Variants in COG5 observed in about 807,000 individuals in gnomAD.
COG5 encodes component of oligomeric golgi complex 5, also known as conserved oligomeric Golgi complex subunit 5.
A neutral mutation model predicts 110.4 loss-of-function variants in COG5; 86 were observed. That is an observed-to-expected ratio of 0.78 (90% confidence interval 0.65 to 0.93). The LOEUF is 0.93. Ranked by LOEUF, COG5 falls within the 40% of genes least tolerant of loss-of-function variation. The pLI, the probability that COG5 is intolerant of heterozygous loss-of-function variation, is 0.00. For missense variants in COG5, 1,077 were observed against 987.0 expected, an observed-to-expected ratio of 1.09 and a Z score of -1.22; for synonymous variants, 360 against 334.6, an observed-to-expected ratio of 1.08 and a Z score of -0.83.
chr7:107,229,255 C>A (rs982670482), intron 19 of COG5, among the ~76,000 whole-genome samples: 10 of 152,110 alleles, frequency 6.6e-5, no homozygotes, highest in African/African-American at 2.4e-4. Flanking sequence ...TCGAGACCAT[C>A]CTGGCCAACA....
At chr7:107,408,891 G>C (rs1017836165) in intron 7 of COG5, among the ~76,000 whole-genome samples, 4 of 152,102 alleles carry the variant, frequency 2.6e-5, no homozygotes, top group African/African-American at 9.7e-5. Context: ...GTAGTTCTGA[G>C]AGGCTCAGAT....
chr7:107,391,918 C>T (rs1212294138), intron 7 of COG5, among the ~76,000 whole-genome samples: 2 of 152,088 alleles, frequency 1.3e-5, no homozygotes, highest in African/African-American at 4.8e-5. Context: ...GGTGAAACCC[C>T]GTCTCTACCA....
At chr7:107,307,903 T>C (rs925403996) in intron 11 of COG5, among the ~76,000 whole-genome samples, 2 of 152,074 alleles carry the variant, frequency 1.3e-5, no homozygotes, top group African/African-American at 4.8e-5. Context: ...CCCTACAAAT[T>C]ATTGAAATAA....
chr7:107,508,429 C>G (rs775472344), intron 6 of COG5, among the ~76,000 whole-genome samples: 1 of 152,234 alleles, frequency 6.6e-6, no homozygotes, highest in Non-Finnish European at 1.5e-5. Context: ...GGCCTGCCTG[C>G]CTCTGTAGGC....
At position 107,535,214 on chromosome 7, in the gene COG5, G is replaced by C. The variant is rs533226278; in HGVS notation, c.418-7857C>G. Among the ~76,000 whole-genome samples the C allele has an allele frequency of 2.6e-5, 4 of 151,738 alleles. No homozygotes were observed. In the South Asian group the frequency reaches 8.3e-4, roughly 32 times the overall value. ...TAGCACTAAATGCCCACAGGAGAAAGTGGGAAAGATCTAAAATTGACACCC... is the reference window on the plus strand; with the variant it reads ...TAGCACTAAATGCCCACAGGAGAAACTGGGAAAGATCTAAAATTGACACCC... On this transcript the variant is annotated intron_variant, in intron 5 of 21. Coordinates refer to ENST00000297135, the MANE Select transcript of COG5 (RefSeq NM_006348.5).
intron 6 of COG5, among the ~76,000 whole-genome samples, chr7:107,476,412 T>C (rs1321271517): frequency 1.3e-5 from 2 of 151,512 alleles, no homozygotes; most frequent in East Asian, 3.9e-4. Context: ...CACCAAATCA[T>C]AGCTCCCAAG....
At chr7:107,354,776 CATAAT>C (rs1812484192) in intron 10 of COG5, among the ~76,000 whole-genome samples, 1 of 152,212 alleles carries the variant, frequency 6.6e-6, no homozygotes, top group African/African-American at 2.4e-5. Context: ...CACTTTCCCT[CATAAT>C]ATCTCAGTTC....
At chr7:107,211,324 ATTGGCTACTGAAGGAGCCCTCCACTGC>A in intron 19 of COG5, 99 bp from the exon 20 acceptor site, 1 of 1,400,094 alleles carries the variant, frequency 7.1e-7, no homozygotes, top group Middle Eastern at 1.8e-4. Flanking sequence ...TTTTTCCTAG[ATTGGCTACTGAAGGAGCCCTCCACTGC>A]TTAACCACTC....
Position 107,203,423 on chromosome 7 carries a change from ATAGTAGATAG to A in COG5, c.*83_*92del. 1 of 832,062 alleles carries A rather than the reference ATAGTAGATAG, an allele frequency of 1.2e-6. No individual in the cohort carries two copies. The highest frequency in any genetic ancestry group is 1.4e-5 in the South Asian group (1 of 74,044). The allele number at this position is 832,062 out of a possible 1,614,324, so 51.5% of individuals were successfully genotyped here. On this transcript the variant is annotated 3_prime_UTR_variant, in exon 22 of 22. Transcript: ENST00000297135. ...CCGAACAATCAATTACATTCTTAAAATAGTAGATAGTAGCAGTCTTTTGGAGTATGTGTTT... is the reference window on the plus strand; with the variant it reads ...CCGAACAATCAATTACATTCTTAAAATAGCAGTCTTTTGGAGTATGTGTTT...
intron 21 of COG5, chr7:107,209,542 G>T (rs565780295): frequency 1.3e-5 from 2 of 156,954 alleles, no homozygotes; most frequent in East Asian, 1.9e-4. Context: ...AGCTCACCTG[G>T]GAACCAAGGC....
chr7:107,432,967 A>C (rs1324231491), intron 6 of COG5, among the ~76,000 whole-genome samples: 1 of 152,192 alleles, frequency 6.6e-6, no homozygotes, highest in East Asian at 1.9e-4. Flanking sequence ...CTGTAAAAAT[A>C]AACGAATTTA....
chr7:107,414,746 G>A (rs1472641720), intron 6 of COG5, among the ~76,000 whole-genome samples: 3 of 66,820 alleles, frequency 4.5e-5, no homozygotes, highest in Non-Finnish European at 5.9e-5. Context: ...TTTTTTTTCC[G>A]AGACTCAGTC....
intron 6 of COG5, among the ~76,000 whole-genome samples, chr7:107,419,999 A>G (rs1793166417): frequency 6.6e-6 from 1 of 152,254 alleles, no homozygotes; most frequent in South Asian, 2.1e-4. Flanking sequence ...TAATCTTTAC[A>G]TAAAATGAAA....
At chr7:107,274,383 T>A (rs187315312) in intron 14 of COG5, among the ~76,000 whole-genome samples, 1 of 152,192 alleles carries the variant, frequency 6.6e-6, no homozygotes, top group Non-Finnish European at 1.5e-5. Flanking sequence ...GGCTTTATGA[T>A]AGATGACATA....
At position 107,391,128 on chromosome 7, in the gene COG5, A is replaced by AC. The variant is rs1297927985; in HGVS notation, c.670-18369dup. Among the ~76,000 whole-genome samples, 3 of 151,992 alleles carry AC rather than the reference A, an allele frequency of 2.0e-5. No homozygotes were observed. The East Asian group carries it at 5.8e-4, about 30-fold the overall frequency. On this transcript the variant is annotated intron_variant, in intron 7 of 21. Transcript: ENST00000297135. ...GGGGGGAGGGTCGGCAACGGTGATT[A>AC]CCTTCCCGTGATGTTTACTTGAAAC... is the stretch of plus-strand genomic sequence containing the variant.
At chr7:107,321,068 C>A (rs1477348632) in intron 11 of COG5, among the ~76,000 whole-genome samples, 3 of 152,118 alleles carry the variant, frequency 2.0e-5, no homozygotes, top group Admixed American at 6.5e-5. Context: ...AAAACTGAGA[C>A]TTTCATATTT....
chr7:107,333,582 T>C (rs996385237), intron 10 of COG5, among the ~76,000 whole-genome samples: 1 of 152,146 alleles, frequency 6.6e-6, no homozygotes, highest in Non-Finnish European at 1.5e-5. Context: ...TAGTGAAAAG[T>C]AGTCAGATTT....
chr7:107,333,400 T>G (rs981320394), intron 10 of COG5, among the ~76,000 whole-genome samples: 3 of 152,106 alleles, frequency 2.0e-5, no homozygotes, highest in African/African-American at 7.2e-5. Flanking sequence ...ACCCTATACA[T>G]GTACAACCCT....
Position 107,230,607 on chromosome 7 carries a change from G to A in COG5, c.2168+8C>T, listed in dbSNP as rs147277863. ...ATATGAATGTATGAACAAAGAATTCGGTCTTACCTGAATGATCTCAGCATC... is the reference window on the plus strand; with the variant it reads ...ATATGAATGTATGAACAAAGAATTCAGTCTTACCTGAATGATCTCAGCATC... On this transcript the variant is annotated splice_region_variant and intron_variant, in intron 19 of 21. Coordinates refer to ENST00000297135, the MANE Select transcript of COG5 (RefSeq NM_006348.5). The A allele has an allele frequency of 9.4e-6, 15 of 1,597,924 alleles. No individual in the cohort carries two copies. The African/African-American group carries it at 1.1e-4, about 11-fold the overall frequency.
Sources: gnomAD v4.1 joint callset for allele counts (sites outside exome capture counted in the v4.1 genomes callset) on GRCh38, gnomAD v4.1.1 for gene constraint, MANE v1.5 for transcripts, NCBI Gene and HGNC (gene_info 2026-07-23, HGNC 2026-07-21) for gene names.